The following MACROD2 variants were observed in gnomAD, a reference collection of about 807,000 sequenced individuals.
MACROD2 encodes mono-ADP ribosylhydrolase 2.
Under a neutral mutation model 70.4 loss-of-function variants are expected in MACROD2, and 36 were observed. The observed-to-expected ratio is 0.51, with a 90% CI of 0.39 to 0.68. MACROD2 has a LOEUF of 0.68. Among genes scored for constraint, MACROD2 ranks in the 30% least tolerant of loss-of-function variants. The probability of loss-of-function intolerance (pLI) is 0.00; values close to 1 mark genes in which losing one functional copy is unlikely to be tolerated. For missense variants in MACROD2, 496 were observed against 538.4 expected (o/e 0.92, Z 0.78); for synonymous variants, 172 against 178.8 (o/e 0.96, Z 0.30).
At chr20:15,877,658 G>A (rs999779947) in intron 9 of MACROD2, among the ~76,000 whole-genome samples, 2 of 152,194 alleles carry the variant, frequency 1.3e-5, no homozygotes, top group African/African-American at 4.8e-5. Flanking sequence ...TGAGGATAAC[G>A]ACCTCTTCCC....
intron 6 of MACROD2, among the ~76,000 whole-genome samples, chr20:15,300,214 TAGTTACCTAA>T (rs1367899376): frequency 6.6e-6 from 1 of 152,222 alleles, no homozygotes; most frequent in African/African-American, 2.4e-5. Context: ...TAGAGAGTTT[TAGTTACCTAA>T]AGCCTCCACG....
At chr20:14,726,510 G>A (rs2071532146) in intron 5 of MACROD2, among the ~76,000 whole-genome samples, 1 of 152,100 alleles carries the variant, frequency 6.6e-6, no homozygotes, top group African/African-American at 2.4e-5. Flanking sequence ...TCAAGACTTA[G>A]GTTTGCTAAA....
Position 14,173,405 on chromosome 20 carries a change from T to C in MACROD2, c.271+87677T>C, listed in dbSNP as rs192691984. Among the ~76,000 whole-genome samples the C allele has an allele frequency of 1.1e-4, 17 of 152,348 alleles. No individual in the cohort carries two copies. The East Asian group carries it at 3.1e-3, about 28-fold the overall frequency. On this transcript the variant is annotated intron_variant, in intron 3 of 17. Transcript: ENST00000684519. ...CTTTCTTCTACTTTTTTGATGTTATTGATGAGACTTTCTGGTGTGTTTTGC... is the reference window on the plus strand; with the variant it reads ...CTTTCTTCTACTTTTTTGATGTTATCGATGAGACTTTCTGGTGTGTTTTGC...
At chr20:15,775,244 C>G (rs1331865692) in intron 8 of MACROD2, among the ~76,000 whole-genome samples, 1 of 152,114 alleles carries the variant, frequency 6.6e-6, no homozygotes, top group African/African-American at 2.4e-5. Context: ...AAAAAAATGG[C>G]AGTACAAGCA....
At chr20:14,308,074 AC>A (rs1182704353) in intron 3 of MACROD2, among the ~76,000 whole-genome samples, 1 of 152,164 alleles carries the variant, frequency 6.6e-6, no homozygotes, top group Non-Finnish European at 1.5e-5. Context: ...AGTGCTATAT[AC>A]TGCTTAGAAA....
intron 3 of MACROD2, among the ~76,000 whole-genome samples, chr20:14,123,035 A>G (rs943873727): frequency 5.3e-5 from 8 of 152,196 alleles, no homozygotes; most frequent in Admixed American, 5.2e-4. Context: ...CTAGTTCTGT[A>G]GTATGGTACC....
intron 8 of MACROD2, among the ~76,000 whole-genome samples, chr20:15,626,101 G>A (rs1313872923): frequency 1.3e-5 from 2 of 152,016 alleles, no homozygotes; most frequent in African/African-American, 4.8e-5. Flanking sequence ...ATGAAGGAAG[G>A]AAAACTTAAT....
rs189659700 is a variant in MACROD2 at position 15,960,770 on chromosome 20, G to A, written c.908-6783G>A. Reference sequence around the variant, plus strand: ...GGGCATTAATTCCTGGTTACTTCTGGCCCATCCAGGACAAGAGTGCCCTCT... The same window carrying A: ...GGGCATTAATTCCTGGTTACTTCTGACCCATCCAGGACAAGAGTGCCCTCT... On this transcript the variant is annotated intron_variant, in intron 12 of 17. Coordinates refer to ENST00000684519, the MANE Select transcript of MACROD2 (RefSeq NM_001351661.2). 2.9e-3 allele frequency among the ~76,000 whole-genome samples: 443 copies of A among 152,176 alleles called. 1 individual carries two copies. Among genetic ancestry groups the A allele is most frequent in the South Asian group, 6.2e-3 (30 of 4,816 alleles).
intron 3 of MACROD2, chr20:14,323,066 C>T (rs1167061059): frequency 6.6e-6 from 1 of 152,190 alleles, no homozygotes; most frequent in Non-Finnish European, 1.5e-5. Context: ...TTGCCCCATA[C>T]ACCACGCAAG....
chr20:14,075,984 A>G (rs1018372332), intron 2 of MACROD2, among the ~76,000 whole-genome samples: 1 of 152,080 alleles, frequency 6.6e-6, no homozygotes, highest in Admixed American at 6.6e-5. Flanking sequence ...TTCTCTATAA[A>G]TATTATTAAA....
chr20:14,669,339 A>G (rs1028407455), intron 4 of MACROD2, among the ~76,000 whole-genome samples: 3 of 152,226 alleles, frequency 2.0e-5, no homozygotes, highest in South Asian at 2.1e-4. Flanking sequence ...TTGCAAATAT[A>G]CATACACAGA....
chr20:15,894,016 C>T (rs1283338804), intron 10 of MACROD2: 1 of 436,382 alleles, frequency 2.3e-6, no homozygotes, highest in Non-Finnish European at 4.6e-6. Context: ...TTCCCATGCT[C>T]AGTCACTGGC....
At chr20:15,209,288 GTCT>G (rs747403372) in intron 5 of MACROD2, among the ~76,000 whole-genome samples, 9 of 152,032 alleles carry the variant, frequency 5.9e-5, no homozygotes, top group Non-Finnish European at 1.3e-4. Flanking sequence ...ACCTTTCAGA[GTCT>G]TCTTATATTT....
intron 5 of MACROD2, among the ~76,000 whole-genome samples, chr20:14,750,121 G>T (rs565407900): frequency 6.6e-6 from 1 of 152,028 alleles, no homozygotes; most frequent in South Asian, 2.1e-4. Context: ...TAAGAAACTT[G>T]AATATTCTTC....
At chr20:15,977,285 C>T (rs138954954) in intron 13 of MACROD2, among the ~76,000 whole-genome samples, 1 of 152,260 alleles carries the variant, frequency 6.6e-6, no homozygotes, top group East Asian at 1.9e-4. Context: ...TATCATCCAC[C>T]CAATAAACAA....
At chr20:15,250,440 T>A (rs2077145311) in intron 6 of MACROD2, among the ~76,000 whole-genome samples, 1 of 152,242 alleles carries the variant, frequency 6.6e-6, no homozygotes, top group East Asian at 1.9e-4. Flanking sequence ...GCATTTTTTA[T>A]TGGGATTATG....
At chr20:14,984,833 C>T (rs1017000703) in intron 5 of MACROD2, among the ~76,000 whole-genome samples, 10 of 152,130 alleles carry the variant, frequency 6.6e-5, no homozygotes, top group African/African-American at 2.4e-4. Flanking sequence ...AGGAACATCT[C>T]ATGCTGGGTT....
intron 3 of MACROD2, among the ~76,000 whole-genome samples, chr20:14,319,521 G>C (rs1257362992): frequency 1.3e-5 from 2 of 151,898 alleles, no homozygotes; most frequent in African/African-American, 4.8e-5. Context: ...TTAACTTCTT[G>C]AAAGAGTAGT....
intron 6 of MACROD2, among the ~76,000 whole-genome samples, chr20:15,416,689 G>T (rs2046155243): frequency 6.6e-6 from 1 of 152,130 alleles, no homozygotes; most frequent in African/African-American, 2.4e-5. Flanking sequence ...CGGATCACGA[G>T]GTCAGGAGAT....
Sources: allele counts gnomAD v4.1 joint callset (sites outside exome capture counted in the v4.1 genomes callset), GRCh38; gene constraint gnomAD v4.1.1; transcripts MANE v1.5; gene names NCBI Gene and HGNC (gene_info 2026-07-23, HGNC 2026-07-21).